Variants in RASGRF2 observed in about 807,000 individuals in gnomAD.
RASGRF2 encodes ras-specific guanine nucleotide-releasing factor 2.
Under a neutral mutation model 151.0 loss-of-function variants are expected in RASGRF2, and 76 were observed. The ratio of observed to expected loss-of-function variants is 0.50; its 90% CI spans 0.42 to 0.61. The LOEUF (loss-of-function observed/expected upper bound fraction) is 0.61, where lower values mean the gene tolerates loss of function less well. Ranked by LOEUF, RASGRF2 falls within the 20% of genes least tolerant of loss-of-function variation. RASGRF2 has a pLI of 0.00. For missense variants in RASGRF2, 1,148 were observed against 1,564.6 expected, an observed-to-expected ratio of 0.73 and a Z score of 4.49; for synonymous variants, 504 against 566.5, an observed-to-expected ratio of 0.89 and a Z score of 1.57.
intron 1 of RASGRF2, among the ~76,000 whole-genome samples, chr5:81,029,482 CGTTCTGCAATATTTGCT>C (rs1357813027): frequency 2.0e-5 from 3 of 152,180 alleles, no homozygotes; most frequent in Admixed American, 6.5e-5. Context: ...CAACATTTAC[CGTTCTGCAATATTTGCT>C]GTTCTGCAGC....
Position 81,068,022 on chromosome 5 carries a change from T to C in RASGRF2, c.396-10T>C. On this transcript the variant is annotated splice_polypyrimidine_tract_variant and intron_variant, in intron 2 of 26. Transcript: ENST00000265080. The stretch of plus-strand genomic sequence containing the variant: ...TATCTCAATGACTAACTGTGTAATT[T>C]TCTCTCAAGTTATGCAGACATTTTG... The C allele has an allele frequency of 5.0e-6, 8 of 1,589,040 alleles. No individual in the cohort carries two copies. The highest frequency in any genetic ancestry group is 6.9e-6 in the Non-Finnish European group (8 of 1,165,658).
chr5:81,031,056 C>A (rs996113585), intron 1 of RASGRF2, among the ~76,000 whole-genome samples: 1 of 152,094 alleles, frequency 6.6e-6, no homozygotes, highest in African/African-American at 2.4e-5. Flanking sequence ...ACAAAGAAGG[C>A]CATTACATAA....
rs1405921901 is a variant in RASGRF2, at chr5:81,034,671, T to C, written c.289-8206T>C. Reference sequence around the variant, plus strand: ...GTAGGGACATGGATGAAATTGGAAATCATCATTCTCAGTAAACTATCGCAA... The same window carrying C: ...GTAGGGACATGGATGAAATTGGAAACCATCATTCTCAGTAAACTATCGCAA... On this transcript the variant is annotated intron_variant, in intron 1 of 26. Transcript: ENST00000265080. 2.0e-5 allele frequency among the ~76,000 whole-genome samples: 3 copies of C among 150,966 alleles called. No individual in the cohort carries two copies. In the East Asian group the frequency reaches 5.9e-4, roughly 29 times the overall value.
chr5:81,202,216 G>A (rs1303673576), intron 19 of RASGRF2, among the ~76,000 whole-genome samples: 1 of 152,078 alleles, frequency 6.6e-6, no homozygotes, highest in East Asian at 1.9e-4. Flanking sequence ...TCATAAGTAC[G>A]TCCTCTGTCC....
At position 80,973,733 on chromosome 5, in the gene RASGRF2, G is replaced by A. The variant is rs143211973; in HGVS notation, c.288+12707G>A. On this transcript the variant is annotated intron_variant, in intron 1 of 26. Coordinates refer to ENST00000265080, the MANE Select transcript of RASGRF2 (RefSeq NM_006909.3). ...CCATTTTGTCCTGACCATTATCCAG[G>A]AAGTGGCCAAGAAGTGATGATCCCT... Among the ~76,000 whole-genome samples the A allele has an allele frequency of 1.9e-3, 284 of 152,292 alleles. 1 individual carries two copies. The highest frequency in any genetic ancestry group is 6.6e-3 in the African/African-American group (274 of 41,554).
chr5:81,219,635 G>T (rs906141760), intron 25 of RASGRF2, 75 bp from the exon 26 acceptor site: 14 of 1,277,184 alleles, frequency 1.1e-5, no homozygotes, highest in Middle Eastern at 3.7e-4. Flanking sequence ...GGCCTCAGAA[G>T]AATGTGCTGC....
In RASGRF2 at chr5:81,206,870, G is replaced by T; in HGVS notation, c.2932G>T (p.Asp978Tyr). The T allele has an allele frequency of 6.2e-7, 1 of 1,611,030 alleles. No homozygotes were observed. The highest frequency in any genetic ancestry group is 2.2e-5 in the East Asian group (1 of 44,880). Reference sequence around the variant, plus strand: ...GGCCCTTTCACAAGATGACCAAGATGACATCCACCTAAAATTAGAGGATAT... The same window carrying T: ...GGCCCTTTCACAAGATGACCAAGATTACATCCACCTAAAATTAGAGGATAT... ...LRALSQDDQD[D>Y]IHLKLEDIIQ... is the part of the protein sequence containing the mutation. The change falls in exon 20 of 27, where the codon GAC becomes TAC. Residue 978 changes from aspartate (D) to tyrosine (Y), a missense_variant. Transcript: ENST00000265080.
Position 81,218,230 on chromosome 5 carries a change from T to C in RASGRF2, c.3552+757T>C, listed in dbSNP as rs531734172. Reference sequence around the variant, plus strand: ...GGTGGATACTGGGACTAATACCCGATGTGGGCTGATTGAGGAGATTTTTGG... The same window carrying C: ...GGTGGATACTGGGACTAATACCCGACGTGGGCTGATTGAGGAGATTTTTGG... On this transcript the variant is annotated intron_variant, in intron 25 of 26. Transcript: ENST00000265080. Among the ~76,000 whole-genome samples the C allele has an allele frequency of 3.3e-5, 5 of 152,214 alleles. No homozygotes were observed. The South Asian group carries it at 1.0e-3, about 31-fold the overall frequency.
At chr5:81,205,953 G>T (rs1009730464) in intron 19 of RASGRF2, among the ~76,000 whole-genome samples, 2 of 152,112 alleles carry the variant, frequency 1.3e-5, no homozygotes, top group Non-Finnish European at 2.9e-5. Context: ...GTTTCACCGT[G>T]TTAGCCAGGA....
At chr5:81,009,167 TG>T (rs1392336913) in intron 1 of RASGRF2, among the ~76,000 whole-genome samples, 7 of 152,244 alleles carry the variant, frequency 4.6e-5, no homozygotes, top group Non-Finnish European at 1.0e-4. Context: ...GAATAAATTA[TG>T]GGCTCATGAC....
intron 6 of RASGRF2, 125 bp from the exon 7 acceptor site, chr5:81,080,471 A>T (rs2112477552): frequency 5.3e-6 from 6 of 1,124,596 alleles, no homozygotes; most frequent in Admixed American, 4.6e-5. Context: ...TCATTCAGGC[A>T]TCAGGGTTGC....
intron 1 of RASGRF2, among the ~76,000 whole-genome samples, chr5:80,988,773 A>G (rs1748555401): frequency 6.6e-6 from 1 of 152,244 alleles, no homozygotes; most frequent in Admixed American, 6.5e-5. Flanking sequence ...AATGTTGCTT[A>G]ATAACGTCTG....
intron 17 of RASGRF2, among the ~76,000 whole-genome samples, chr5:81,138,711 G>A (rs750287647): frequency 6.6e-6 from 1 of 151,680 alleles, no homozygotes; most frequent in Non-Finnish European, 1.5e-5. Flanking sequence ...ACCAGGTCCC[G>A]GTTCCAGCGA....
intron 17 of RASGRF2, among the ~76,000 whole-genome samples, chr5:81,135,814 G>A (rs1384526605): frequency 6.6e-6 from 1 of 152,168 alleles, no homozygotes; most frequent in Non-Finnish European, 1.5e-5. Context: ...GATTTGCTAG[G>A]TTGTGTGATA....
intron 1 of RASGRF2, among the ~76,000 whole-genome samples, chr5:81,042,306 A>G (rs1750701984): frequency 6.6e-6 from 1 of 152,202 alleles, no homozygotes; most frequent in Non-Finnish European, 1.5e-5. Context: ...TCAAGTATGC[A>G]TTCTGGAATA....
At chr5:81,059,912 T>A (rs1256107321) in intron 2 of RASGRF2, among the ~76,000 whole-genome samples, 3 of 152,098 alleles carry the variant, frequency 2.0e-5, no homozygotes. Flanking sequence ...TAGGTTTAAT[T>A]GGCTCACAGT....
chr5:81,120,881 C>T (rs565921184), intron 15 of RASGRF2, among the ~76,000 whole-genome samples: 19 of 152,246 alleles, frequency 1.2e-4, no homozygotes, highest in South Asian at 2.1e-4. Flanking sequence ...TGGATCCCTG[C>T]GAAGGAAACA....
chr5:81,052,171 G>C (rs1751032159), intron 2 of RASGRF2, among the ~76,000 whole-genome samples: 1 of 152,126 alleles, frequency 6.6e-6, no homozygotes, highest in Non-Finnish European at 1.5e-5. Context: ...TGTTAGGAAA[G>C]AATCATTAAT....
chr5:80,989,142 TA>T (rs1748568830), intron 1 of RASGRF2, among the ~76,000 whole-genome samples: 1 of 152,128 alleles, frequency 6.6e-6, no homozygotes, highest in Non-Finnish European at 1.5e-5. Context: ...GGCTAATTTT[TA>T]TATTTTTAGT....
Sources: allele counts gnomAD v4.1 joint callset (sites outside exome capture counted in the v4.1 genomes callset), GRCh38; gene constraint gnomAD v4.1.1; transcripts MANE v1.5; gene names NCBI Gene and HGNC (gene_info 2026-07-23, HGNC 2026-07-21).